Variants in EXOC6 observed in about 807,000 individuals in gnomAD.
EXOC6 encodes the protein exocyst complex component 6, also known as SEC15-like 1.
EXOC6 carries 60 observed loss-of-function variants against 112.5 expected under a neutral mutation model. The observed-to-expected ratio is 0.53, with a 90% CI of 0.43 to 0.66. EXOC6 has a LOEUF of 0.66. Among genes scored for constraint, EXOC6 ranks in the 30% least tolerant of loss-of-function variants. The probability of loss-of-function intolerance (pLI) is 0.00; values close to 1 mark genes in which losing one functional copy is unlikely to be tolerated. For missense variants in EXOC6, 855 were observed against 957.1 expected, an observed-to-expected ratio of 0.89 and a Z score of 1.41; for synonymous variants, 295 against 308.0, an observed-to-expected ratio of 0.96 and a Z score of 0.44.
chr10:92,917,517 C>T (rs767390179), intron 7 of EXOC6, among the ~76,000 whole-genome samples: 4 of 144,186 alleles, frequency 2.8e-5, no homozygotes, highest in East Asian at 2.0e-4. Context: ...TTCATTCTCT[C>T]GTTCTTTTTT....
In EXOC6 at chr10:92,909,707, TA is replaced by T. The variant is rs1164120647; in HGVS notation, c.663+78del. ...GGAAAATATCCAAGGTTTACTTCTT[TA>T]ACTTACATAAAATGCTTATTTTTGT... On this transcript the variant is annotated intron_variant, in intron 6 of 21. Transcript: ENST00000260762. 3.5e-6 allele frequency: 3 copies of T among 851,720 alleles called. No individual in the cohort carries two copies. The African/African-American group carries it at 5.2e-5, about 15-fold the overall frequency. The allele number at this position is 851,720 out of a possible 1,614,324, so 52.8% of individuals were successfully genotyped here.
chr10:93,035,130 A>T (rs1845457815), intron 20 of EXOC6, among the ~76,000 whole-genome samples: 1 of 152,252 alleles, frequency 6.6e-6, no homozygotes, highest in South Asian at 2.1e-4. Flanking sequence ...TTAGAAAAGT[A>T]TGCTGCCCTT....
At chr10:92,848,368 G>C (rs1485734748), upstream of EXOC6, 1 of 295,684 alleles carries the variant, frequency 3.4e-6, no homozygotes, top group Non-Finnish European at 5.0e-6. Flanking sequence ...CAGGTGCGGG[G>C]GCGGGAACCG....
intron 1 of EXOC6, among the ~76,000 whole-genome samples, chr10:92,871,962 G>A: frequency 6.6e-6 from 1 of 151,808 alleles, no homozygotes; most frequent in East Asian, 1.9e-4. Context: ...TGGTTAACTA[G>A]TGGTTTGCCT....
chr10:92,986,348 C>T (rs147448690), intron 18 of EXOC6, among the ~76,000 whole-genome samples: 3 of 152,002 alleles, frequency 2.0e-5, no homozygotes, highest in Non-Finnish European at 2.9e-5. Flanking sequence ...AAAATTTATT[C>T]GAAGTTAATC....
intron 1 of EXOC6, among the ~76,000 whole-genome samples, chr10:92,865,598 C>T (rs1848136486): frequency 6.6e-6 from 1 of 151,960 alleles, no homozygotes; most frequent in South Asian, 2.1e-4. Context: ...TACGCCACCA[C>T]ACCCAACTAA....
At chr10:92,940,552 T>A (rs2274374) in intron 12 of EXOC6, among the ~76,000 whole-genome samples, 175 bp from the exon 13 acceptor site, 48,100 of 151,974 alleles carry the variant, frequency 0.32, 8,390 homozygotes, top group East Asian at 0.73. Flanking sequence ...GAACCTCTTT[T>A]TTTACCGAAT....
intron 1 of EXOC6, among the ~76,000 whole-genome samples, chr10:92,837,643 A>G (rs1227951005): frequency 6.6e-6 from 1 of 152,206 alleles, no homozygotes; most frequent in Non-Finnish European, 1.5e-5. Flanking sequence ...AGCCTGAGTG[A>G]CAAGAGTAAG....
chr10:92,831,867 A>T (rs1846494389), upstream of EXOC6, among the ~76,000 whole-genome samples: 2 of 152,226 alleles, frequency 1.3e-5, no homozygotes, highest in Non-Finnish European at 2.9e-5. Context: ...AATCAGATGA[A>T]GGGTATATTT....
intron 1 of EXOC6, among the ~76,000 whole-genome samples, chr10:92,858,926 G>A (rs563175696): frequency 7.2e-5 from 11 of 152,152 alleles, no homozygotes; most frequent in African/African-American, 2.4e-4. Flanking sequence ...CGCCACACCC[G>A]GCTAATTTTT....
chr10:92,965,469 C>G (rs1371713300), intron 17 of EXOC6, among the ~76,000 whole-genome samples: 1 of 152,110 alleles, frequency 6.6e-6, no homozygotes, highest in Admixed American at 6.6e-5. Context: ...TGAATCCTTA[C>G]ATTTTATTTA....
intron 15 of EXOC6, among the ~76,000 whole-genome samples, chr10:92,952,942 T>C (rs1024860306): frequency 7.2e-5 from 11 of 152,224 alleles, no homozygotes; most frequent in African/African-American, 2.7e-4. Context: ...GTCTTTACTA[T>C]TGTGAATAGT....
intron 20 of EXOC6, among the ~76,000 whole-genome samples, chr10:93,038,831 T>A (rs1845636344): frequency 1.3e-5 from 2 of 152,214 alleles, no homozygotes; most frequent in Non-Finnish European, 2.9e-5. Context: ...AAAATTTGAT[T>A]AGAAAGTGAA....
chr10:93,014,376 T>C, intron 20 of EXOC6, 109 bp downstream of exon 20: 2 of 816,048 alleles, frequency 2.5e-6, no homozygotes, highest in Non-Finnish European at 4.1e-6. Context: ...TGAAACAACC[T>C]ATCTTAAGAA....
intron 13 of EXOC6, among the ~76,000 whole-genome samples, chr10:92,945,312 C>T (rs1400413248): frequency 5.9e-5 from 9 of 152,094 alleles, no homozygotes; most frequent in Admixed American, 2.6e-4. Context: ...ATATTTTCTC[C>T]CAGTCTGTAA....
chr10:92,874,520 A>G (rs979929053), intron 1 of EXOC6, among the ~76,000 whole-genome samples: 1 of 152,206 alleles, frequency 6.6e-6, no homozygotes, highest in Admixed American at 6.5e-5. Flanking sequence ...TGCTAGTCAG[A>G]TGAAGGTGTC....
chr10:92,917,073 C>T (rs1045890964), intron 7 of EXOC6, among the ~76,000 whole-genome samples: 2 of 151,800 alleles, frequency 1.3e-5, no homozygotes, highest in Admixed American at 1.3e-4. Flanking sequence ...AAGCAATTCT[C>T]CTGCCTCAGC....
chr10:93,039,753 T>C (rs1344083353), intron 20 of EXOC6, among the ~76,000 whole-genome samples: 1 of 152,222 alleles, frequency 6.6e-6, no homozygotes, highest in East Asian at 1.9e-4. Context: ...CTCCTTGTTT[T>C]GTCTACTCAT....
chr10:92,887,281 G>A (rs1849267352), intron 1 of EXOC6, among the ~76,000 whole-genome samples: 1 of 151,352 alleles, frequency 6.6e-6, no homozygotes, highest in Non-Finnish European at 1.5e-5. Context: ...CATTCAGTCA[G>A]CTATTTATTA....
Sources: allele counts gnomAD v4.1 joint callset (sites outside exome capture counted in the v4.1 genomes callset), GRCh38; gene constraint gnomAD v4.1.1; transcripts MANE v1.5; gene names NCBI Gene and HGNC (gene_info 2026-07-23, HGNC 2026-07-21).